The following OSBPL1A variants were observed in gnomAD, a reference collection of about 807,000 sequenced individuals.
The protein encoded by OSBPL1A is oxysterol-binding protein-related protein 1.
OSBPL1A carries 80 observed loss-of-function variants against 137.1 expected under a neutral mutation model. The observed-to-expected ratio is 0.58, with a 90% CI of 0.49 to 0.70. The LOEUF (loss-of-function observed/expected upper bound fraction) is 0.70, where lower values mean the gene tolerates loss of function less well. OSBPL1A is among the 30% of genes least tolerant of loss of function. OSBPL1A has a pLI of 0.00. For synonymous variants in OSBPL1A, 365 were observed against 389.7 expected (o/e 0.94, Z 0.75); for missense variants, 970 against 1,129.4 (o/e 0.86, Z 2.02).
At chr18:24,352,901 A>G (rs2091467873) in intron 4 of OSBPL1A, among the ~76,000 whole-genome samples, 1 of 152,224 alleles carries the variant, frequency 6.6e-6, no homozygotes, top group South Asian at 2.1e-4. Context: ...CTTACACCTT[A>G]TACAAAAATT....
chr18:24,294,154 T>A (rs2090244297), intron 14 of OSBPL1A, among the ~76,000 whole-genome samples: 1 of 152,042 alleles, frequency 6.6e-6, no homozygotes, highest in African/African-American at 2.4e-5. Context: ...AGTTCCTTAG[T>A]GAAGAAGTCT....
chr18:24,382,952 G>C (rs1906706625), intron 1 of OSBPL1A, among the ~76,000 whole-genome samples: 1 of 152,082 alleles, frequency 6.6e-6, no homozygotes, highest in Non-Finnish European at 1.5e-5. Context: ...TATATTGTTA[G>C]GACAGATGGT....
intron 25 of OSBPL1A, among the ~76,000 whole-genome samples, chr18:24,166,936 T>C (rs1242730052): frequency 6.6e-6 from 1 of 152,218 alleles, no homozygotes; most frequent in African/African-American, 2.4e-5. Context: ...TCCTCTATCA[T>C]GATCAACTTT....
At chr18:24,251,456 G>A (rs2089095162) in intron 15 of OSBPL1A, among the ~76,000 whole-genome samples, 1 of 152,182 alleles carries the variant, frequency 6.6e-6, no homozygotes, top group African/African-American at 2.4e-5. Flanking sequence ...AAGAACAAGA[G>A]TCTCTGCCTG....
At chr18:24,190,844 C>T (rs1339005232) in intron 18 of OSBPL1A, among the ~76,000 whole-genome samples, 1 of 152,194 alleles carries the variant, frequency 6.6e-6, no homozygotes, top group East Asian at 1.9e-4. Context: ...ATATCTCATC[C>T]CTTCTGACAG....
At chr18:24,281,888 T>C (rs111982160) in intron 14 of OSBPL1A, among the ~76,000 whole-genome samples, 14,811 of 151,842 alleles carry the variant, frequency 0.098, 890 homozygotes, top group South Asian at 0.16. Context: ...GAGTGGAGGG[T>C]GAGTGAGCAT....
chr18:24,208,241 T>C (rs2087431098), intron 17 of OSBPL1A, among the ~76,000 whole-genome samples: 1 of 152,110 alleles, frequency 6.6e-6, no homozygotes, highest in Non-Finnish European at 1.5e-5. Flanking sequence ...ATTACTGTAG[T>C]AATTAAAAAG....
chr18:24,374,333 T>C (rs1415023517), intron 2 of OSBPL1A, among the ~76,000 whole-genome samples: 1 of 151,928 alleles, frequency 6.6e-6, no homozygotes, highest in Non-Finnish European at 1.5e-5. Flanking sequence ...GAGGAGGAAG[T>C]AGCAAAAAGA....
intron 16 of OSBPL1A, among the ~76,000 whole-genome samples, chr18:24,233,151 T>C (rs1232193666): frequency 2.0e-5 from 3 of 152,188 alleles, no homozygotes; most frequent in Non-Finnish European, 2.9e-5. Flanking sequence ...GACTAGTTAC[T>C]AAAGAAAAAC....
At chr18:24,260,558 T>C (rs2089419652) in intron 15 of OSBPL1A, among the ~76,000 whole-genome samples, 1 of 152,164 alleles carries the variant, frequency 6.6e-6, no homozygotes, top group African/African-American at 2.4e-5. Context: ...GAAGCTCACA[T>C]ATTGTATAAT....
At chr18:24,293,756 T>A (rs1197505749) in intron 14 of OSBPL1A, among the ~76,000 whole-genome samples, 2 of 152,128 alleles carry the variant, frequency 1.3e-5, no homozygotes, top group Non-Finnish European at 2.9e-5. Flanking sequence ...TGGAAGGCTC[T>A]GCAGGTCATT....
At chr18:24,328,547 G>A (rs568434905) in intron 7 of OSBPL1A, among the ~76,000 whole-genome samples, 2 of 152,158 alleles carry the variant, frequency 1.3e-5, no homozygotes, top group African/African-American at 2.4e-5. Context: ...GGGAAGCAGA[G>A]TTTGAGCTAG....
intron 4 of OSBPL1A, 91 bp from the exon 5 acceptor site, chr18:24,341,749 C>A: frequency 1.3e-6 from 1 of 747,576 alleles, no homozygotes; most frequent in Non-Finnish European, 2.1e-6. Context: ...ACAGAGTCTC[C>A]ACAATAGAAA....
intron 4 of OSBPL1A, among the ~76,000 whole-genome samples, chr18:24,363,316 G>A (rs2091652497): frequency 1.3e-5 from 2 of 152,202 alleles, no homozygotes; most frequent in South Asian, 4.1e-4. Flanking sequence ...CCCGTTGCTA[G>A]AGACTGTCCA....
intron 17 of OSBPL1A, among the ~76,000 whole-genome samples, chr18:24,200,097 AATG>A (rs1423836392): frequency 6.6e-6 from 1 of 152,242 alleles, no homozygotes; most frequent in Admixed American, 6.5e-5. Flanking sequence ...ACATACAAAA[AATG>A]ATGTTATACT....
intron 16 of OSBPL1A, 107 bp from the exon 17 acceptor site, chr18:24,225,305 C>T (rs2088039244): frequency 4.3e-6 from 5 of 1,171,928 alleles, no homozygotes; most frequent in African/African-American, 1.5e-5. Flanking sequence ...AAGCAGCCTA[C>T]TTTGTCCCTC....
chr18:24,320,636 T>C (rs1455422956), intron 7 of OSBPL1A, among the ~76,000 whole-genome samples: 1 of 152,180 alleles, frequency 6.6e-6, no homozygotes, highest in Non-Finnish European at 1.5e-5. Context: ...CATAAGGAGT[T>C]TGAGTTTTAT....
intron 13 of OSBPL1A, among the ~76,000 whole-genome samples, chr18:24,310,741 G>A (rs2090607796): frequency 6.6e-6 from 1 of 151,194 alleles, no homozygotes; most frequent in Non-Finnish European, 1.5e-5. Context: ...ATATTAGTAT[G>A]CTTTGTCAAT....
chr18:24,340,833 G>T (rs1384610249), intron 5 of OSBPL1A, among the ~76,000 whole-genome samples: 2 of 152,050 alleles, frequency 1.3e-5, no homozygotes, highest in Non-Finnish European at 2.9e-5. Context: ...ACTCCCAAAA[G>T]CAACACCTCT....
Sources: gnomAD v4.1 joint callset for allele counts (sites outside exome capture counted in the v4.1 genomes callset) on GRCh38, gnomAD v4.1.1 for gene constraint, MANE v1.5 for transcripts, NCBI Gene and HGNC (gene_info 2026-07-23, HGNC 2026-07-21) for gene names.